GALR2: variants seen among roughly 807,000 people sequenced by gnomAD.
GALR2 encodes galanin receptor type 2.
Under a neutral mutation model 7.2 loss-of-function variants are expected in GALR2, and 5 were observed. The ratio of observed to expected loss-of-function variants is 0.69; its 90% confidence interval spans 0.36 to 1.45. The LOEUF (loss-of-function observed/expected upper bound fraction) is 1.45. Ranked by LOEUF, GALR2 falls within the 40% of genes most tolerant of loss-of-function variation. The pLI is 0.03. For synonymous variants in GALR2, 300 were observed against 263.9 expected (o/e 1.14, Z -1.32); for missense variants, 561 against 555.7 (o/e 1.01, Z -0.10).
At position 76,075,014 on chromosome 17, in the gene GALR2, C is replaced by T. The variant is rs775805856; in HGVS notation, c.131C>T (p.Thr44Met). ...LIFLVGTVGN[T>M]LVLAVLLRGG... ...TTCCTCGTGGGCACCGTGGGCAACA[C>T]GCTGGTGCTGGCGGTGCTGCTGCGC... The change falls in exon 1 of 2, where the codon ACG (threonine) becomes ATG (methionine). Residue 44 changes from threonine to methionine, a missense_variant. Transcript: ENST00000329003. The surrounding 1 kb of genome is among the most constrained non-coding windows in gnomAD (Gnocchi z 5.9). 1.9e-6 allele frequency: 3 copies of T among 1,609,186 alleles called. No individual in the cohort carries two copies. Among genetic ancestry groups the T allele is most frequent in the Non-Finnish European group, 2.5e-6 (3 of 1,179,924 alleles).
Position 76,077,529 on chromosome 17 carries a change from TCA to T in GALR2, c.*105_*106del. 1 of 1,072,326 alleles carries T rather than the reference TCA, an allele frequency of 9.3e-7. No individual in the cohort carries two copies. The highest frequency in any genetic ancestry group is 1.3e-6 in the Non-Finnish European group (1 of 768,974). The allele number at this position is 1,072,326 out of a possible 1,614,324, so 66.4% of individuals were successfully genotyped here. On this transcript the variant is annotated 3_prime_UTR_variant, in exon 2 of 2. Transcript: ENST00000329003. ...CTGTTAATAAAACGCACAAACCATT[TCA>T]CACACAGTGACAGCGCTGTTTCGCG...
At chr17:76,074,609 T>C (rs574031323), upstream of GALR2, among the ~76,000 whole-genome samples, 55 of 152,286 alleles carry the variant, frequency 3.6e-4, no homozygotes, top group African/African-American at 1.3e-3. This position sits in a 1 kb window ranked among gnomAD's most constrained non-coding sequence, Gnocchi z 6.7. Flanking sequence ...AGCGCCACTC[T>C]CCGCCTGCGC....
upstream of GALR2, chr17:76,072,341 T>G (rs776550722): frequency 4.0e-5 from 65 of 1,612,560 alleles, no homozygotes; most frequent in Non-Finnish European, 5.3e-5. This position sits in a 1 kb window ranked among gnomAD's most constrained non-coding sequence, Gnocchi z 4.5. Context: ...AATTCTTTGT[T>G]TGCCTTCGAT....
At chr17:76,072,754 C>T (rs1567939869), upstream of GALR2, 6 of 603,542 alleles carry the variant, frequency 9.9e-6, no homozygotes, top group Admixed American at 3.7e-5. The surrounding 1 kb of genome is among the most constrained non-coding windows in gnomAD (Gnocchi z 4.5). Flanking sequence ...AGTCCCACCT[C>T]CCACCCACTA....
At chr17:76,072,586 C>A, upstream of GALR2, 23 of 1,484,880 alleles carry the variant, frequency 1.5e-5, no homozygotes, top group Non-Finnish European at 1.9e-5. This position sits in a 1 kb window ranked among gnomAD's most constrained non-coding sequence, Gnocchi z 4.5. Context: ...GATGGGATAG[C>A]GGCGGACTCC....
upstream of GALR2, chr17:76,072,116 G>A (rs2066857310): frequency 2.7e-6 from 3 of 1,117,108 alleles, no homozygotes; most frequent in Non-Finnish European, 3.8e-6. This position sits in a 1 kb window ranked among gnomAD's most constrained non-coding sequence, Gnocchi z 4.5. Flanking sequence ...GGACGGCGAG[G>A]GGGACACGAG....
chr17:76,072,160 A>C, upstream of GALR2: 369 of 1,366,910 alleles, frequency 2.7e-4, no homozygotes, highest in East Asian at 8.2e-4. This position sits in a 1 kb window ranked among gnomAD's most constrained non-coding sequence, Gnocchi z 4.5. Flanking sequence ...CCCCCCCGGA[A>C]TTCTGAGCAC....
rs949464130 is a variant in GALR2 at position 76,077,302 on chromosome 17, G to A, written c.1035G>A (p.Met345Ile). The A allele has an allele frequency of 6.3e-7, 1 of 1,590,930 alleles. No homozygotes were observed. The highest frequency in any genetic ancestry group is 8.5e-7 in the Non-Finnish European group (1 of 1,174,986). The change falls in exon 2 of 2, where the codon ATG becomes ATA. Residue 345 changes from methionine to isoleucine, a missense_variant. Coordinates refer to ENST00000329003, the MANE Select transcript of GALR2 (RefSeq NM_003857.4). Reference protein sequence around the residue: ...LERESSDLLHMSEAAGALRPC... With the variant: ...LERESSDLLHISEAAGALRPC... Reference sequence around the variant, plus strand: ...GCGAGTCCAGCGACCTGTTGCACATGAGCGAGGCGGCGGGGGCCCTTCGTC... The same window carrying A: ...GCGAGTCCAGCGACCTGTTGCACATAAGCGAGGCGGCGGGGGCCCTTCGTC...
chr17:76,077,232 T>A lies in GALR2; in HGVS notation c.965T>A (p.Val322Glu). 6.2e-7 allele frequency: 1 copy of A among 1,606,440 alleles called. No individual in the cohort carries two copies. Among genetic ancestry groups the A allele is most frequent in the Non-Finnish European group, 8.5e-7 (1 of 1,177,386 alleles). The change falls in exon 2 of 2, where the codon GTG becomes GAG. Residue 322 changes from valine to glutamate, a missense_variant. Transcript: ENST00000329003. ...GCCCCAGGCCGAGCCTCGGGCCGTG[T>A]GTGCGCTGCCGCGCGGGGCACCCAC... ...GRAPGRASGR[V>E]CAAARGTHSG...
chr17:76,072,411 G>A (rs758799435), upstream of GALR2: 8 of 1,598,462 alleles, frequency 5.0e-6, no homozygotes, highest in East Asian at 2.2e-5. The surrounding 1 kb of genome is among the most constrained non-coding windows in gnomAD (Gnocchi z 4.5). Flanking sequence ...GTCCACCGCC[G>A]CTACCGCCGC....
upstream of GALR2, chr17:76,072,692 G>C: frequency 9.2e-7 from 1 of 1,088,080 alleles, no homozygotes. This position sits in a 1 kb window ranked among gnomAD's most constrained non-coding sequence, Gnocchi z 4.5. Flanking sequence ...TGGCTGGCTA[G>C]GTGGGGACTT....
In GALR2 at chr17:76,075,654, C is replaced by A. The variant is rs1231758124; in HGVS notation, c.368+403C>A. 1.3e-5 allele frequency among the ~76,000 whole-genome samples: 2 copies of A among 152,196 alleles called. No individual in the cohort carries two copies. The highest frequency in any genetic ancestry group is 4.8e-5 in the African/African-American group (2 of 41,446). On this transcript the variant is annotated intron_variant, in intron 1 of 1. Coordinates refer to ENST00000329003, the MANE Select transcript of GALR2 (RefSeq NM_003857.4). This position sits in a 1 kb window ranked among gnomAD's most constrained non-coding sequence, Gnocchi z 5.9. ...AGAGTCGCCAGCCAGGGATCGGGTGCGTGAAGTGACCGTCTGTCTCCTGCA... is the reference window on the plus strand; with the variant it reads ...AGAGTCGCCAGCCAGGGATCGGGTGAGTGAAGTGACCGTCTGTCTCCTGCA...
At position 76,074,835 on chromosome 17, in the gene GALR2, A is replaced by G; in HGVS notation, c.-49A>G. The G allele has an allele frequency of 6.9e-7, 1 of 1,440,922 alleles. No homozygotes were observed. Among genetic ancestry groups the G allele is most frequent in the Non-Finnish European group, 9.1e-7 (1 of 1,103,736 alleles). 89.3% of individuals were successfully genotyped at this position (1,440,922 alleles called of 1,614,324 possible). A position where few individuals can be genotyped will look rare whatever the true frequency, so the allele number is the denominator to read the frequency against. ...AGCCCCGGGAGCTTCCCGCTCGCGGAGACCCAGACGGCTGCAGGAGCCCGG... is the reference window on the plus strand; with the variant it reads ...AGCCCCGGGAGCTTCCCGCTCGCGGGGACCCAGACGGCTGCAGGAGCCCGG... On this transcript the variant is annotated 5_prime_UTR_variant, in exon 1 of 2. Transcript: ENST00000329003. This position sits in a 1 kb window ranked among gnomAD's most constrained non-coding sequence, Gnocchi z 6.7.
At position 76,077,104 on chromosome 17, in the gene GALR2, G is replaced by A. The variant is rs1393295501; in HGVS notation, c.837G>A (p.Leu279=). The A allele has an allele frequency of 6.2e-7, 1 of 1,613,010 alleles. No homozygotes were observed. The highest frequency in any genetic ancestry group is 1.7e-5 in the Admixed American group (1 of 60,022). Residue 279 remains leucine (L), a synonymous_variant, in exon 2 of 2, where the codon CTG becomes CTA. Transcript: ENST00000329003. ...ATGCGCTTCGCATCCTCTCGCACCT[G>A]GTCTCCTACGCCAACTCCTGCGTCA... The part of the protein sequence containing the change: ...ATYALRILSH[L]VSYANSCVNP...
At position 76,076,995 on chromosome 17, in the gene GALR2, C is replaced by A; in HGVS notation, c.728C>A (p.Ala243Glu). 2 of 1,609,558 alleles carry A rather than the reference C, an allele frequency of 1.2e-6. No homozygotes were observed. The highest frequency in any genetic ancestry group is 1.3e-5 in the African/African-American group (1 of 75,060). ...ACACGCATGATCCTCATCGTGGCCG[C>A]GCTCTTCTGCCTCTGCTGGATGCCC... ...KVTRMILIVA[A>E]LFCLCWMPHH... is the part of the protein sequence containing the mutation. Residue 243 changes from alanine to glutamate, a missense_variant, in exon 2 of 2, where the codon GCG (alanine) becomes GAG (glutamate). By Grantham distance (107) the Ala-to-Glu change is moderately radical. Transcript: ENST00000329003. This position sits in a 1 kb window ranked among gnomAD's most constrained non-coding sequence, Gnocchi z 6.5.
upstream of GALR2, chr17:76,072,280 C>A (rs768237384): frequency 7.5e-6 from 12 of 1,604,870 alleles, no homozygotes; most frequent in Admixed American, 1.2e-4. The surrounding 1 kb of genome is among the most constrained non-coding windows in gnomAD (Gnocchi z 4.5). Flanking sequence ...GTAATCATTG[C>A]GAGTTAGGCC....
upstream of GALR2, chr17:76,072,144 A>C: frequency 7.5e-7 from 1 of 1,337,126 alleles, no homozygotes; most frequent in Non-Finnish European, 1.0e-6. This position sits in a 1 kb window ranked among gnomAD's most constrained non-coding sequence, Gnocchi z 4.5. Flanking sequence ...TAGTCGAGAG[A>C]CAGACCCCCC....
In GALR2 at chr17:76,076,605, GC is replaced by G; in HGVS notation, c.369-29del. ...CCTCCAGCATGAATGTGCCCGCTCA[GC>G]CGACGTCTCCCTTCCCGGTCTGACC... On this transcript the variant is annotated intron_variant, in intron 1 of 1. Transcript: ENST00000329003. The surrounding 1 kb of genome is among the most constrained non-coding windows in gnomAD (Gnocchi z 6.5). The G allele has an allele frequency of 6.7e-7, 1 of 1,496,664 alleles. No homozygotes were observed. Among genetic ancestry groups the G allele is most frequent in the Non-Finnish European group, 9.0e-7 (1 of 1,107,366 alleles). 92.7% of individuals were successfully genotyped at this position (1,496,664 alleles called of 1,614,324 possible).
Position 76,076,915 on chromosome 17 carries a change from C to T in GALR2, c.648C>T (p.Arg216=), listed in dbSNP as rs749105845. The T allele has an allele frequency of 4.4e-6, 7 of 1,601,792 alleles. No individual in the cohort carries two copies. In the Admixed American group the frequency reaches 1.2e-4, roughly 27 times the overall value. Residue 216 remains arginine, a synonymous_variant, in exon 2 of 2, where the codon CGC becomes CGT. Transcript: ENST00000329003. The surrounding 1 kb of genome is among the most constrained non-coding windows in gnomAD (Gnocchi z 6.5). ...CGCGCACCTTGCGCTACCTCTGGCG[C>T]GCCGTCGACCCGGTGGCCGCGGGCT... ...TYARTLRYLW[R]AVDPVAAGSG...
Sources: gnomAD v4.1 joint callset for allele counts (sites outside exome capture counted in the v4.1 genomes callset) on GRCh38, gnomAD v4.1.1 for gene constraint, Gnocchi (gnomAD v3.1) non-coding constraint, MANE v1.5 for transcripts, NCBI Gene and HGNC (gene_info 2026-07-23, HGNC 2026-07-21) for gene names.